SMOC2: variants seen among roughly 807,000 people sequenced by gnomAD.
The protein encoded by SMOC2 is SPARC-related modular calcium-binding protein 2.
In SMOC2, 39 loss-of-function variants were observed where a neutral mutation model predicts 61.4. That is an observed-to-expected ratio of 0.64 (90% CI 0.49 to 0.83). SMOC2 has a LOEUF of 0.83. Ranked by LOEUF, SMOC2 falls within the 40% of genes least tolerant of loss-of-function variation. SMOC2 has a pLI of 0.00. For missense variants in SMOC2, 556 were observed against 592.9 expected (o/e 0.94, Z 0.65); for synonymous variants, 247 against 239.9 (o/e 1.03, Z -0.27).
intron 1 of SMOC2, among the ~76,000 whole-genome samples, chr6:168,474,621 A>G (rs1782038008): frequency 6.6e-6 from 1 of 152,084 alleles, no homozygotes; most frequent in Admixed American, 6.5e-5. Flanking sequence ...ACCTCCGGAG[A>G]CGTATACAAC....
chr6:168,516,025 T>C (rs1433178995), intron 2 of SMOC2, among the ~76,000 whole-genome samples: 2 of 152,206 alleles, frequency 1.3e-5, no homozygotes, highest in East Asian at 1.9e-4. Context: ...TCGGCACATA[T>C]GAGGCTGAGG....
intron 1 of SMOC2, among the ~76,000 whole-genome samples, chr6:168,466,475 G>C (rs919721112): frequency 3.3e-5 from 5 of 152,230 alleles, no homozygotes; most frequent in African/African-American, 1.2e-4. Flanking sequence ...GGTGGGGGAA[G>C]GGTTGAGAGA....
chr6:168,453,092 G>C lies in SMOC2; in HGVS notation c.84+11638G>C, dbSNP rs555132864. ...CACCAGAGTCCCCAGGGCCTTGGCC[G>C]GACACTCAGGGCAATCTGCCCTGAG... On this transcript the variant is annotated intron_variant, in intron 1 of 12. Transcript: ENST00000356284. The surrounding 1 kb of genome is among the most constrained non-coding windows in gnomAD (Gnocchi z 4.4). 6.6e-6 allele frequency among the ~76,000 whole-genome samples: 1 copy of C among 152,166 alleles called. No individual in the cohort carries two copies. The highest frequency in any genetic ancestry group is 2.4e-5 in the African/African-American group (1 of 41,462).
At chr6:168,661,857 A>G (rs1039297592) in intron 11 of SMOC2, among the ~76,000 whole-genome samples, 1 of 152,240 alleles carries the variant, frequency 6.6e-6, no homozygotes, top group Non-Finnish European at 1.5e-5. Flanking sequence ...TAGTCATTCC[A>G]GGCAAGACAA....
In SMOC2 at chr6:168,475,211, C is replaced by T. The variant is rs1782050500; in HGVS notation, c.84+33757C>T. 1.3e-5 allele frequency among the ~76,000 whole-genome samples: 2 copies of T among 152,070 alleles called. No homozygotes were observed. The highest frequency in any genetic ancestry group is 4.2e-4 in the South Asian group (2 of 4,814). ...TGTGGGTGATCTGGGGCTCGTTGGC[C>T]TCACCCTTGCTTTGGAGAAGCTAAA... On this transcript the variant is annotated intron_variant, in intron 1 of 12. Transcript: ENST00000356284. This position sits in a 1 kb window ranked among gnomAD's most constrained non-coding sequence, Gnocchi z 4.6.
chr6:168,640,865 TA>T lies in SMOC2; in HGVS notation c.908-9815del, dbSNP rs372293718. 2.3e-3 allele frequency among the ~76,000 whole-genome samples: 356 copies of T among 152,322 alleles called. 2 individuals carry two copies. The highest frequency in any genetic ancestry group is 8.3e-3 in the African/African-American group (344 of 41,576). On this transcript the variant is annotated intron_variant, in intron 9 of 12. Transcript: ENST00000356284. ...CGGGGAAAGAAAGAGACAAAAACGC[TA>T]GCCTGAGCCTGAACATCTGGACACC...
At chr6:168,546,666 C>T (rs1784011259) in intron 5 of SMOC2, among the ~76,000 whole-genome samples, 1 of 152,134 alleles carries the variant, frequency 6.6e-6, no homozygotes, top group East Asian at 1.9e-4. Flanking sequence ...TTGCCTTTCT[C>T]TTGGGGAAAA....
rs141360626 is a variant in SMOC2, at chr6:168,620,444, T to C, written c.907+12205T>C. 8.4e-4 allele frequency among the ~76,000 whole-genome samples: 128 copies of C among 152,320 alleles called. 2 individuals carry two copies. In the East Asian group the frequency reaches 0.017, roughly 20 times the overall value. Reference sequence around the variant, plus strand: ...TGGAGCTGAGACCTGGCTGTGAGGATTGCAGGTTTATGACCCTGGGATGAA... The same window carrying C: ...TGGAGCTGAGACCTGGCTGTGAGGACTGCAGGTTTATGACCCTGGGATGAA... On this transcript the variant is annotated intron_variant, in intron 9 of 12. Coordinates refer to ENST00000356284, the MANE Select transcript of SMOC2 (RefSeq NM_001166412.2).
rs1483363812 is a variant in SMOC2 at position 168,613,175 on chromosome 6, C to T, written c.907+4936C>T. 2.6e-5 allele frequency among the ~76,000 whole-genome samples: 4 copies of T among 152,220 alleles called. No homozygotes were observed. The East Asian group carries it at 7.7e-4, about 29-fold the overall frequency. The stretch of plus-strand genomic sequence containing the variant: ...GCTGCGTGCAGTCTGATCTCACTCT[C>T]AGGCACTGTGGTCCAGGCCACCCCA... On this transcript the variant is annotated intron_variant, in intron 9 of 12. Transcript: ENST00000356284.
At chr6:168,451,139 C>T (rs548408705) in intron 1 of SMOC2, among the ~76,000 whole-genome samples, 1 of 152,292 alleles carries the variant, frequency 6.6e-6, no homozygotes, top group African/African-American at 2.4e-5. Flanking sequence ...GGGGAAAGCC[C>T]AGGAGAGCTG....
intron 1 of SMOC2, among the ~76,000 whole-genome samples, chr6:168,474,723 G>A (rs1782041980): frequency 6.6e-6 from 1 of 152,144 alleles, no homozygotes; most frequent in Admixed American, 6.5e-5. Flanking sequence ...GATACACACG[G>A]TAAAGCACAG....
intron 2 of SMOC2, among the ~76,000 whole-genome samples, chr6:168,514,411 C>T (rs376787558): frequency 1.0e-3 from 157 of 152,334 alleles, no homozygotes; most frequent in African/African-American, 3.7e-3. Flanking sequence ...ATGCTTCACC[C>T]AGGAAACCGC....
At chr6:168,605,412 T>G (rs1481912099) in intron 8 of SMOC2, among the ~76,000 whole-genome samples, 2 of 152,044 alleles carry the variant, frequency 1.3e-5, no homozygotes, top group South Asian at 4.2e-4. Context: ...CTTATACAAA[T>G]AAGTTAAAAT....
intron 2 of SMOC2, among the ~76,000 whole-genome samples, chr6:168,518,770 T>G (rs1416618607): frequency 6.7e-6 from 1 of 149,764 alleles, no homozygotes; most frequent in Non-Finnish European, 1.5e-5. Context: ...TTCATGTGCG[T>G]GTGTGCATGT....
intron 12 of SMOC2, chr6:168,664,352 G>A (rs992716634): frequency 4.9e-6 from 2 of 405,692 alleles, no homozygotes; most frequent in South Asian, 2.1e-5. Context: ...CATTTATTAA[G>A]AAAAATTTCT....
chr6:168,628,253 A>G (rs1284396234), intron 9 of SMOC2, among the ~76,000 whole-genome samples: 1 of 152,200 alleles, frequency 6.6e-6, no homozygotes, highest in Non-Finnish European at 1.5e-5. Flanking sequence ...CGAGACATAC[A>G]CTTTCTTGAA....
At chr6:168,477,731 G>T (rs1782120442) in intron 1 of SMOC2, among the ~76,000 whole-genome samples, 1 of 152,132 alleles carries the variant, frequency 6.6e-6, no homozygotes, top group Non-Finnish European at 1.5e-5. Context: ...CAGAACAGGA[G>T]GTGGGGAAAG....
rs745834330 is a variant in SMOC2 at position 168,510,017 on chromosome 6, C to T, written c.187C>T (p.Arg63Cys). 2.6e-5 allele frequency: 42 copies of T among 1,614,086 alleles called. No individual in the cohort carries two copies. Among genetic ancestry groups the T allele is most frequent in the East Asian group, 4.5e-5 (2 of 44,906 alleles). Reference protein sequence around the residue: ...CASDGRTFLSRCEFQRAKCKD... With the variant: ...CASDGRTFLSCCEFQRAKCKD... ...ATCTGACGGAAGGACCTTCCTTTCC[C>T]GTTGTGAATTTCAACGTGCCAAGTG... Residue 63 changes from arginine (R) to cysteine (C), a missense_variant, in exon 2 of 13, where the codon CGT becomes TGT. Transcript: ENST00000356284.
chr6:168,655,806 C>G (rs113453194), intron 11 of SMOC2, among the ~76,000 whole-genome samples: 3,188 of 152,048 alleles, frequency 0.021, 127 homozygotes, highest in African/African-American at 0.072. Flanking sequence ...CATGTATGTG[C>G]TGGATCTCCC....
Sources: gnomAD v4.1 joint callset for allele counts (sites outside exome capture counted in the v4.1 genomes callset) on GRCh38, gnomAD v4.1.1 for gene constraint, Gnocchi (gnomAD v3.1) non-coding constraint, MANE v1.5 for transcripts, NCBI Gene and HGNC (gene_info 2026-07-23, HGNC 2026-07-21) for gene names.